THRB: variants seen among roughly 807,000 people sequenced by gnomAD.
THRB encodes thyroid hormone receptor beta.
A neutral mutation model predicts 47.8 loss-of-function variants in THRB; 12 were observed. The observed-to-expected ratio is 0.25, with a 90% CI of 0.16 to 0.41. The LOEUF (loss-of-function observed/expected upper bound fraction) is 0.41, where lower values mean the gene tolerates loss of function less well. Ranked by LOEUF, THRB falls within the 10% of genes least tolerant of loss-of-function variation. The probability of loss-of-function intolerance (pLI) is 1.00; values close to 1 mark genes in which losing one functional copy is unlikely to be tolerated. For synonymous variants in THRB, 218 were observed against 212.2 expected (o/e 1.03, Z -0.24); for missense variants, 348 against 589.2 (o/e 0.59, Z 4.24).
chr3:24,167,267 G>A (rs899200872), intron 5 of THRB, among the ~76,000 whole-genome samples: 10 of 152,104 alleles, frequency 6.6e-5, no homozygotes, highest in Non-Finnish European at 2.9e-5. Flanking sequence ...AAGCATGTTC[G>A]TCAGTTGGTA....
intron 4 of THRB, among the ~76,000 whole-genome samples, chr3:24,221,728 C>G (rs2047181157): frequency 6.6e-6 from 1 of 152,178 alleles, no homozygotes; most frequent in Admixed American, 6.5e-5. Context: ...TCCTGATTAC[C>G]TAGCTGCTCA....
chr3:24,286,235 G>C (rs2055282187), intron 3 of THRB, among the ~76,000 whole-genome samples: 1 of 152,156 alleles, frequency 6.6e-6, no homozygotes, highest in Non-Finnish European at 1.5e-5. Context: ...ACAGCAGCCT[G>C]AACTATGACA....
At chr3:24,146,619 C>G (rs1381801267) in intron 7 of THRB, 56 bp downstream of exon 7, 1 of 1,598,556 alleles carries the variant, frequency 6.3e-7, no homozygotes, top group Non-Finnish European at 8.6e-7. Flanking sequence ...CTCCTTGAAC[C>G]AAACTGTTTC....
At chr3:24,413,092 A>G (rs2068445397) in intron 1 of THRB, among the ~76,000 whole-genome samples, 1 of 151,882 alleles carries the variant, frequency 6.6e-6, no homozygotes, top group African/African-American at 2.4e-5. Flanking sequence ...TCTAAAAATT[A>G]AGGAGGAAAC....
At chr3:24,173,456 G>A (rs1196574476) in intron 5 of THRB, among the ~76,000 whole-genome samples, 1 of 152,170 alleles carries the variant, frequency 6.6e-6, no homozygotes, top group Non-Finnish European at 1.5e-5. Flanking sequence ...TGGTGACCAT[G>A]CACTACCAGT....
At chr3:24,205,709 T>A (rs561729952) in intron 4 of THRB, among the ~76,000 whole-genome samples, 5 of 152,024 alleles carry the variant, frequency 3.3e-5, no homozygotes, top group Non-Finnish European at 7.4e-5. Flanking sequence ...GACTGGCAAA[T>A]TGGATAAAGA....
rs573641936 is a variant in THRB at position 24,135,767 on chromosome 3, T to C, written c.739-2305A>G. Among the ~76,000 whole-genome samples the C allele has an allele frequency of 2.7e-5, 4 of 148,472 alleles. No individual in the cohort carries two copies. The East Asian group carries it at 7.8e-4, about 29-fold the overall frequency. On this transcript the variant is annotated intron_variant, in intron 8 of 10. Coordinates refer to ENST00000646209, the MANE Select transcript of THRB (RefSeq NM_001354712.2). ...CCTTGTCTACTTGACAAGTCTTTTATGAAGATCAACTGATAAAAGGAATGT... is the reference window on the plus strand; with the variant it reads ...CCTTGTCTACTTGACAAGTCTTTTACGAAGATCAACTGATAAAAGGAATGT...
intron 1 of THRB, among the ~76,000 whole-genome samples, chr3:24,469,764 G>A (rs182648704): frequency 9.2e-5 from 14 of 152,296 alleles, no homozygotes; most frequent in African/African-American, 2.6e-4. Context: ...CTATGAGCGC[G>A]TGGTAAAGAG....
chr3:24,255,990 G>C (rs1459030925), intron 3 of THRB, among the ~76,000 whole-genome samples: 1 of 152,192 alleles, frequency 6.6e-6, no homozygotes, highest in African/African-American at 2.4e-5. Context: ...TAGAACTGCA[G>C]CTAGAGCAAG....
intron 3 of THRB, among the ~76,000 whole-genome samples, chr3:24,282,097 T>G (rs1260041161): frequency 1.6e-5 from 2 of 125,432 alleles, no homozygotes; most frequent in South Asian, 2.9e-4. Context: ...AATAGACATC[T>G]ACAGAACTCT....
intron 1 of THRB, among the ~76,000 whole-genome samples, chr3:24,379,444 G>A (rs538199085): frequency 8.5e-4 from 130 of 152,208 alleles, no homozygotes; most frequent in Non-Finnish European, 1.6e-3. Flanking sequence ...CTCAAGCCAA[G>A]AGAAACTCCT....
Position 24,341,231 on chromosome 3 carries a change from C to CTTTTTT in THRB, c.-260-3866_-260-3861dup, listed in dbSNP as rs5847287. ...GGTAAAACAATTAACATGAGATTACCTTTTTTTTTTTTTTTTTTGAGACAG... is the reference window on the plus strand; with the variant it reads ...GGTAAAACAATTAACATGAGATTACCTTTTTTTTTTTTTTTTTTTTTTTTGAGACAG... On this transcript the variant is annotated intron_variant, in intron 1 of 10. Transcript: ENST00000646209. Among the ~76,000 whole-genome samples, 411 of 104,014 alleles carry CTTTTTT rather than the reference C, an allele frequency of 4.0e-3. 6 individuals are homozygous for CTTTTTT. Among genetic ancestry groups the CTTTTTT allele is most frequent in the Non-Finnish European group, 5.1e-3 (281 of 55,110 alleles). 68.2% of individuals were successfully genotyped at this position (104,014 alleles called of 152,430 possible).
At position 24,220,740 on chromosome 3, in the gene THRB, T is replaced by C. The variant is rs1010135839; in HGVS notation, c.22+8198A>G. 4.7e-5 allele frequency among the ~76,000 whole-genome samples: 7 copies of C among 149,866 alleles called. No individual in the cohort carries two copies. The Admixed American group carries it at 4.7e-4, about 10-fold the overall frequency. Reference sequence around the variant, plus strand: ...AAAAAGGAGAAGAAAGAATGCTTAATACATCTTCCTTGGAAATGCAGCATG... The same window carrying C: ...AAAAAGGAGAAGAAAGAATGCTTAACACATCTTCCTTGGAAATGCAGCATG... On this transcript the variant is annotated intron_variant, in intron 4 of 10. Transcript: ENST00000646209.
rs545713456 is a variant in THRB, at chr3:24,325,482, T to A, written c.-189+11818A>T. ...CGGATGGATCACCTAAGGTCAGGAG[T>A]TCGAGATCAGCCTGGCCAACAGGGC... On this transcript the variant is annotated intron_variant, in intron 2 of 10. Transcript: ENST00000646209. Among the ~76,000 whole-genome samples the A allele has an allele frequency of 3.3e-5, 5 of 152,172 alleles. No individual in the cohort carries two copies. In the South Asian group the frequency reaches 8.3e-4, roughly 25 times the overall value.
At chr3:24,135,820 C>CATATATATATATATATATAT (rs34338818) in intron 8 of THRB, among the ~76,000 whole-genome samples, 304 of 98,288 alleles carry the variant, frequency 3.1e-3, no homozygotes, top group Middle Eastern at 5.3e-3. Flanking sequence ...GGCAGAGAGT[C>CATATATATATATATATATAT]ATATATATAT....
intron 3 of THRB, among the ~76,000 whole-genome samples, chr3:24,265,894 A>G (rs1039040930): frequency 6.6e-6 from 1 of 152,222 alleles, no homozygotes; most frequent in Admixed American, 6.5e-5. Context: ...CCAATTTTTA[A>G]GAACTATGCA....
rs1243570401 is a variant in THRB at position 24,384,665 on chromosome 3, CACTTGAATA to C, written c.-260-47303_-260-47295del. On this transcript the variant is annotated intron_variant, in intron 1 of 10. Coordinates refer to ENST00000646209, the MANE Select transcript of THRB (RefSeq NM_001354712.2). ...TAATTGCAAAAGTCCAAGGATTAGT[CACTTGAATA>C]GGAAGAGTTCTTATACAAGGGACCT... 3.9e-5 allele frequency among the ~76,000 whole-genome samples: 6 copies of C among 152,110 alleles called. No homozygotes were observed. The East Asian group carries it at 7.7e-4, about 20-fold the overall frequency.
At chr3:24,309,167 GC>G (rs2057567538) in intron 2 of THRB, among the ~76,000 whole-genome samples, 1 of 151,810 alleles carries the variant, frequency 6.6e-6, no homozygotes, top group Admixed American at 6.6e-5. Context: ...TACCTCCTTG[GC>G]CTTTTTGTAT....
chr3:24,481,251 TTTTTTTA>T (rs1696363325), intron 1 of THRB, among the ~76,000 whole-genome samples: 1 of 147,310 alleles, frequency 6.8e-6, no homozygotes, highest in Non-Finnish European at 1.5e-5. Flanking sequence ...TTTTTTTTTT[TTTTTTTA>T]CGGAAAAAGA....
Sources: allele counts gnomAD v4.1 joint callset (sites outside exome capture counted in the v4.1 genomes callset), GRCh38; gene constraint gnomAD v4.1.1; transcripts MANE v1.5; gene names NCBI Gene and HGNC (gene_info 2026-07-23, HGNC 2026-07-21).